The following ATRNL1 variants were observed in gnomAD, a reference collection of about 807,000 sequenced individuals.
ATRNL1 encodes attractin-like protein 1.
A neutral mutation model predicts 182.7 loss-of-function variants in ATRNL1; 95 were observed. The ratio of observed to expected loss-of-function variants is 0.52; its 90% CI spans 0.44 to 0.62. The LOEUF (loss-of-function observed/expected upper bound fraction) is 0.62, where lower values mean the gene tolerates loss of function less well. Ranked by LOEUF, ATRNL1 falls within the 20% of genes least tolerant of loss-of-function variation. The pLI is 0.00. For missense variants in ATRNL1, 1,471 were observed against 1,679.5 expected (o/e 0.88, Z 2.17); for synonymous variants, 576 against 568.3 (o/e 1.01, Z -0.19).
At chr10:115,533,407 T>G (rs1333269166) in intron 25 of ATRNL1, among the ~76,000 whole-genome samples, 4 of 146,612 alleles carry the variant, frequency 2.7e-5, no homozygotes, top group African/African-American at 1.1e-4. Context: ...TTTGTAGTAT[T>G]CTCTGATGGT....
chr10:115,903,180 C>G (rs1952404898), intron 28 of ATRNL1, among the ~76,000 whole-genome samples: 1 of 152,182 alleles, frequency 6.6e-6, no homozygotes, highest in African/African-American at 2.4e-5. Flanking sequence ...GACTAGCTCT[C>G]CATGCTGTAT....
At chr10:115,770,702 CT>C (rs1948968631) in intron 27 of ATRNL1, among the ~76,000 whole-genome samples, 1 of 152,054 alleles carries the variant, frequency 6.6e-6, no homozygotes, top group Non-Finnish European at 1.5e-5. Context: ...AAATGGTTAG[CT>C]TCAAATTTTT....
intron 26 of ATRNL1, among the ~76,000 whole-genome samples, chr10:115,558,708 G>T (rs1367354088): frequency 6.6e-6 from 1 of 152,108 alleles, no homozygotes; most frequent in African/African-American, 2.4e-5. Flanking sequence ...TCTGCCCCCA[G>T]ACCTTGGTGT....
chr10:115,483,818 A>G (rs1173626814), intron 24 of ATRNL1, among the ~76,000 whole-genome samples: 1 of 151,688 alleles, frequency 6.6e-6, no homozygotes, highest in Non-Finnish European at 1.5e-5. Flanking sequence ...TAGAGTCTAC[A>G]TGAAATAAAC....
chr10:115,484,296 C>T (rs1260229761), intron 24 of ATRNL1, among the ~76,000 whole-genome samples: 1 of 151,368 alleles, frequency 6.6e-6, no homozygotes, highest in Non-Finnish European at 1.5e-5. Context: ...CCAATTCACT[C>T]TCTACTTACA....
At chr10:115,405,516 C>A (rs618602) in intron 20 of ATRNL1, among the ~76,000 whole-genome samples, 57,898 of 151,854 alleles carry the variant, frequency 0.38, 12,207 homozygotes, top group African/African-American at 0.57. Flanking sequence ...GGCAATTTGC[C>A]GGTGCAAATA....
At chr10:115,146,021 C>T (rs1458879302) in intron 5 of ATRNL1, among the ~76,000 whole-genome samples, 1 of 151,946 alleles carries the variant, frequency 6.6e-6, no homozygotes, top group African/African-American at 2.4e-5. Context: ...ACTGAAGTAC[C>T]ACCTTAGAGA....
intron 8 of ATRNL1, among the ~76,000 whole-genome samples, chr10:115,181,816 C>T (rs186300309): frequency 7.9e-5 from 12 of 151,630 alleles, no homozygotes; most frequent in Admixed American, 4.6e-4. Flanking sequence ...CATTGTAGTC[C>T]GCTTTTAGTT....
chr10:115,183,626 A>C (rs1393596506), intron 8 of ATRNL1, among the ~76,000 whole-genome samples: 1 of 151,566 alleles, frequency 6.6e-6, no homozygotes, highest in African/African-American at 2.4e-5. Context: ...CAATTTTTCA[A>C]ATTGAACCCA....
chr10:115,224,500 T>A (rs1450569630), intron 9 of ATRNL1, among the ~76,000 whole-genome samples: 1 of 151,934 alleles, frequency 6.6e-6, no homozygotes, highest in East Asian at 1.9e-4. Flanking sequence ...AGAGCATGAA[T>A]TAATGAAATA....
chr10:115,300,117 A>G lies in ATRNL1; in HGVS notation c.2499A>G (p.Thr833=). The G allele has an allele frequency of 6.2e-7, 1 of 1,614,064 alleles. No homozygotes were observed. Among genetic ancestry groups the G allele is most frequent in the East Asian group, 2.2e-5 (1 of 44,878 alleles). Residue 833 remains threonine, a synonymous_variant, in exon 16 of 29, where the codon ACA becomes ACG. Transcript: ENST00000355044. ...ACATGTCTCCTTTTACAAACACAAC[A>G]CTACAGTGGCTTCCTGGCGAACCCA... ...WEDMSPFTNT[T]LQWLPGEPND...
At position 115,267,003 on chromosome 10, in the gene ATRNL1, C is replaced by T. The variant is rs144217102; in HGVS notation, c.1979C>T (p.Thr660Ile). The T allele has an allele frequency of 1.1e-5, 17 of 1,593,900 alleles. No individual in the cohort carries two copies. Among genetic ancestry groups the T allele is most frequent in the Non-Finnish European group, 1.4e-5 (16 of 1,166,858 alleles). ...NILRAKCPPKTAASDDRCYRY... is the reference protein window; with the variant it reads ...NILRAKCPPKIAASDDRCYRY... ...CTTAGAGCAAAGTGCCCTCCTAAAA[C>T]AGGTAAATTTCTTTTTCTTTTCGTC... is the stretch of plus-strand genomic sequence containing the variant. The change falls in exon 12 of 29, where the codon ACA becomes ATA. Residue 660 changes from threonine to isoleucine, a missense_variant and splice_region_variant. By Grantham distance (89) the Thr-to-Ile change is moderately conservative. This residue lies in a region of ATRNL1 where 1,031 missense variants were observed against 1,156.0 expected (regional missense o/e 0.89). Transcript: ENST00000355044.
intron 3 of ATRNL1, among the ~76,000 whole-genome samples, chr10:115,122,943 A>G (rs2143645380): frequency 6.6e-6 from 1 of 152,288 alleles, no homozygotes; most frequent in East Asian, 1.9e-4. Context: ...TATTTTTAGC[A>G]ATTTAAACAT....
At chr10:115,638,308 A>G (rs1306029872) in intron 26 of ATRNL1, among the ~76,000 whole-genome samples, 3 of 152,204 alleles carry the variant, frequency 2.0e-5, no homozygotes, top group Non-Finnish European at 4.4e-5. Flanking sequence ...GCTGTGCTAT[A>G]TAGCCTAATA....
intron 8 of ATRNL1, among the ~76,000 whole-genome samples, chr10:115,183,925 A>G (rs1342783747): frequency 6.6e-6 from 1 of 151,596 alleles, no homozygotes; most frequent in Non-Finnish European, 1.5e-5. Flanking sequence ...ACAAAATTCT[A>G]AATAAAATGA....
intron 24 of ATRNL1, among the ~76,000 whole-genome samples, chr10:115,515,318 CTTTT>C (rs56692263): frequency 8.3e-6 from 1 of 120,204 alleles, no homozygotes; most frequent in Non-Finnish European, 1.7e-5. Context: ...AATAGTTGTT[CTTTT>C]TTTTTTTTTT....
intron 24 of ATRNL1, among the ~76,000 whole-genome samples, chr10:115,515,049 G>C (rs1005977341): frequency 6.6e-6 from 1 of 151,818 alleles, no homozygotes; most frequent in Non-Finnish European, 1.5e-5. Flanking sequence ...GGCTTCTTTA[G>C]AACTTCCTCA....
rs782439386 is a variant in ATRNL1, at chr10:115,127,648, A to G, written c.547A>G (p.Thr183Ala). ...TGAAACTGTGCCTGAAGTTGTTACT[A>G]CATCTGGCTATGCACTGTTACATTT... ...GNETVPEVVT[T>A]SGYALLHFFS... The change falls in exon 4 of 29, where the codon ACA becomes GCA. Residue 183 changes from threonine (T) to alanine (A), a missense_variant. This residue lies in a region of ATRNL1 where 1,031 missense variants were observed against 1,156.0 expected (regional missense o/e 0.89). Transcript: ENST00000355044. 4 of 1,604,484 alleles carry G rather than the reference A, an allele frequency of 2.5e-6. No individual in the cohort carries two copies. The highest frequency in any genetic ancestry group is 3.4e-6 in the Non-Finnish European group (4 of 1,175,784).
chr10:115,661,358 C>T (rs1593026969), intron 26 of ATRNL1, among the ~76,000 whole-genome samples: 1 of 152,102 alleles, frequency 6.6e-6, no homozygotes, highest in South Asian at 2.1e-4. Flanking sequence ...TACTAAGTGC[C>T]ATTTAAGTGT....
Sources: allele counts gnomAD v4.1 joint callset (sites outside exome capture counted in the v4.1 genomes callset), GRCh38; gene constraint gnomAD v4.1.1; regional missense constraint gnomAD v4.1.1; transcripts MANE v1.5; gene names NCBI Gene and HGNC (gene_info 2026-07-23, HGNC 2026-07-21).